Variants in PTPRZ1 observed in about 807,000 individuals in gnomAD.
The protein encoded by PTPRZ1 is receptor-type tyrosine-protein phosphatase zeta.
In PTPRZ1, 82 loss-of-function variants were observed where a neutral mutation model predicts 214.1. The observed-to-expected ratio is 0.38, with a 90% CI of 0.32 to 0.46. The LOEUF is 0.46. PTPRZ1 is among the 20% of genes least tolerant of loss of function. The pLI is 1.00. For missense variants in PTPRZ1, 2,603 were observed against 2,748.7 expected (o/e 0.95, Z 1.19); for synonymous variants, 945 against 987.9 (o/e 0.96, Z 0.81).
At chr7:121,969,160 C>T (rs1797138407) in intron 3 of PTPRZ1, among the ~76,000 whole-genome samples, 1 of 152,176 alleles carries the variant, frequency 6.6e-6, no homozygotes, top group Non-Finnish European at 1.5e-5. Flanking sequence ...ATCACTTGAA[C>T]TCAAGAGTTG....
In PTPRZ1 at chr7:121,907,635, G is replaced by A. The variant is rs182072538; in HGVS notation, c.59-20521G>A. On this transcript the variant is annotated intron_variant, in intron 1 of 29. Coordinates refer to ENST00000393386, the MANE Select transcript of PTPRZ1 (RefSeq NM_002851.3). ...AGGTTTAGAGTATTTATATTTATAC[G>A]TTAAAATCTTTGGAAAGGCCTAAAC... Among the ~76,000 whole-genome samples the A allele has an allele frequency of 1.4e-4, 21 of 151,736 alleles. 1 individual carries two copies. The highest frequency in any genetic ancestry group is 7.0e-3 in the Middle Eastern group (2 of 284).
Position 122,053,938 on chromosome 7 carries a change from T to C in PTPRZ1, c.6281T>C (p.Ile2094Thr). The C allele has an allele frequency of 6.2e-7, 1 of 1,613,146 alleles. No homozygotes were observed. Among genetic ancestry groups the C allele is most frequent in the Non-Finnish European group, 8.5e-7 (1 of 1,179,324 alleles). The change falls in exon 26 of 30, where the codon ATT (isoleucine) becomes ACT (threonine). Residue 2094 changes from isoleucine to threonine, a missense_variant. By Grantham distance (89) the Ile-to-Thr change is moderately conservative (BLOSUM62 -1). Transcript: ENST00000393386. ...MGYYQSNEFI[I>T]TQHPLLHTIK... ...TATTACCAGAGCAATGAATTCATCATTACCCAGCACCCTCTCCTTCATACC... is the reference window on the plus strand; with the variant it reads ...TATTACCAGAGCAATGAATTCATCACTACCCAGCACCCTCTCCTTCATACC...
chr7:122,050,285 A>T (rs947147959), intron 23 of PTPRZ1, among the ~76,000 whole-genome samples: 1 of 151,492 alleles, frequency 6.6e-6, no homozygotes, highest in African/African-American at 2.4e-5. Flanking sequence ...TCTATAAAAA[A>T]TACCAAAATT....
Position 122,031,700 on chromosome 7 carries a change from T to C in PTPRZ1, c.5166+141T>C, listed in dbSNP as rs1799382117. On this transcript the variant is annotated intron_variant, in intron 15 of 29. Coordinates refer to ENST00000393386, the MANE Select transcript of PTPRZ1 (RefSeq NM_002851.3). ...AATATGAGTTCCATAATTACATATGTGTTTAGGAGATGTGTTATAGTTACT... is the reference window on the plus strand; with the variant it reads ...AATATGAGTTCCATAATTACATATGCGTTTAGGAGATGTGTTATAGTTACT... 14 of 550,462 alleles carry C rather than the reference T, an allele frequency of 2.5e-5. No individual in the cohort carries two copies. In the South Asian group the frequency reaches 4.2e-4, roughly 17 times the overall value. The allele number at this position is 550,462 out of a possible 1,614,324, so 34.1% of individuals were successfully genotyped here. A position where few individuals can be genotyped will look rare whatever the true frequency, so the allele number is the denominator to read the frequency against.
intron 4 of PTPRZ1, among the ~76,000 whole-genome samples, chr7:121,972,967 A>G (rs1278469778): frequency 1.3e-5 from 2 of 152,182 alleles, no homozygotes; most frequent in Non-Finnish European, 2.9e-5. Flanking sequence ...TTTCATTAAC[A>G]TACTGGAGAA....
chr7:121,976,973 A>G, intron 6 of PTPRZ1, 122 bp downstream of exon 6: 2 of 623,942 alleles, frequency 3.2e-6, no homozygotes, highest in Non-Finnish European at 5.3e-6. Context: ...AAAGAGGAGC[A>G]ATCTCTCACT....
chr7:121,960,479 TTAAA>T (rs1382201456), intron 2 of PTPRZ1, among the ~76,000 whole-genome samples: 1 of 152,204 alleles, frequency 6.6e-6, no homozygotes, highest in Non-Finnish European at 1.5e-5. Context: ...TAAAATCTGA[TTAAA>T]TAGCAATTTA....
At chr7:121,874,748 G>T (rs1391635291) in intron 1 of PTPRZ1, among the ~76,000 whole-genome samples, 1 of 152,160 alleles carries the variant, frequency 6.6e-6, no homozygotes, top group Non-Finnish European at 1.5e-5. Flanking sequence ...GAAAGTGCTT[G>T]GGGTGGTGTG....
chr7:121,985,250 T>A (rs1351631697), intron 8 of PTPRZ1, among the ~76,000 whole-genome samples: 1 of 152,068 alleles, frequency 6.6e-6, no homozygotes, highest in Non-Finnish European at 1.5e-5. Context: ...TAGCATACTG[T>A]CCAGTAAATA....
chr7:122,045,060 G>A (rs1328651680), intron 23 of PTPRZ1, among the ~76,000 whole-genome samples: 1 of 152,096 alleles, frequency 6.6e-6, no homozygotes, highest in Admixed American at 6.6e-5. Context: ...CCTGTCTCAA[G>A]GCCATAAGCC....
At chr7:121,998,747 G>A (rs1798224474) in intron 10 of PTPRZ1, among the ~76,000 whole-genome samples, 1 of 151,944 alleles carries the variant, frequency 6.6e-6, no homozygotes. Flanking sequence ...GAATAGACGT[G>A]CATATATGTA....
chr7:121,964,506 C>T (rs1021572697), intron 2 of PTPRZ1, among the ~76,000 whole-genome samples: 1 of 152,068 alleles, frequency 6.6e-6, no homozygotes. Context: ...CCACGTGGTC[C>T]CTCCCATGAC....
At chr7:121,936,694 C>T (rs191726025) in intron 2 of PTPRZ1, among the ~76,000 whole-genome samples, 21 of 152,288 alleles carry the variant, frequency 1.4e-4, no homozygotes, top group Non-Finnish European at 2.6e-4. Context: ...GAAGCATAAA[C>T]ACTAACCCCA....
intron 1 of PTPRZ1, among the ~76,000 whole-genome samples, chr7:121,922,772 A>G (rs1795638348): frequency 6.6e-6 from 1 of 152,150 alleles, no homozygotes; most frequent in Non-Finnish European, 1.5e-5. Context: ...ATGACAGTAT[A>G]CTATCTCCAG....
At chr7:122,002,539 T>C (rs531193019) in intron 10 of PTPRZ1, among the ~76,000 whole-genome samples, 97 of 152,296 alleles carry the variant, frequency 6.4e-4, no homozygotes, top group African/African-American at 2.0e-3. Context: ...TCCCTATAGT[T>C]AGTTGATGCT....
intron 2 of PTPRZ1, among the ~76,000 whole-genome samples, chr7:121,957,291 G>A (rs925564994): frequency 2.0e-5 from 3 of 151,988 alleles, no homozygotes; most frequent in Admixed American, 6.6e-5. Context: ...ATCTCCTTTC[G>A]CATCCCCTTC....
At chr7:121,887,157 CTG>C (rs1794421719) in intron 1 of PTPRZ1, among the ~76,000 whole-genome samples, 1 of 152,136 alleles carries the variant, frequency 6.6e-6, no homozygotes, top group Non-Finnish European at 1.5e-5. Flanking sequence ...GTTTCCATGA[CTG>C]TATCTTCAAG....
chr7:122,012,311 T>C lies in PTPRZ1; in HGVS notation c.3265T>C (p.Ser1089Pro). The C allele has an allele frequency of 6.2e-7, 1 of 1,614,086 alleles. No individual in the cohort carries two copies. The highest frequency in any genetic ancestry group is 8.5e-7 in the Non-Finnish European group (1 of 1,179,998). The change falls in exon 12 of 30, where the codon TCT becomes CCT. Residue 1089 changes from serine (S) to proline (P), a missense_variant. Physicochemically the swap from Ser to Pro is moderately conservative, Grantham distance 74. This residue lies in a region of PTPRZ1 where 1,913 missense variants were observed against 1,914.3 expected (regional missense o/e 1.00). Transcript: ENST00000393386. ...GTTGAATGCGTCTTTACAAGAAACC[T>C]CTGTTTCCATTTCTAGCACCAAGGG... is the stretch of plus-strand genomic sequence containing the variant. ...NKLNASLQET[S>P]VSISSTKGMF...
At chr7:121,993,838 A>G (rs1014408520) in intron 8 of PTPRZ1, among the ~76,000 whole-genome samples, 3 of 152,148 alleles carry the variant, frequency 2.0e-5, no homozygotes, top group African/African-American at 7.2e-5. Flanking sequence ...ATAACATTCT[A>G]AAGTATGTAT....
Sources: gnomAD v4.1 joint callset for allele counts (sites outside exome capture counted in the v4.1 genomes callset) on GRCh38, gnomAD v4.1.1 for gene constraint, gnomAD v4.1.1 regional missense constraint, MANE v1.5 for transcripts, NCBI Gene and HGNC (gene_info 2026-07-23, HGNC 2026-07-21) for gene names.